The following VAT1L variants were observed in gnomAD, a reference collection of about 807,000 sequenced individuals.
VAT1L encodes the protein vesicle amine transport 1 like.
A neutral mutation model predicts 44.1 loss-of-function variants in VAT1L; 34 were observed. The observed-to-expected ratio is 0.77, with a 90% CI of 0.59 to 1.03. VAT1L has a LOEUF of 1.03. Among genes scored for constraint, VAT1L ranks in the 50% least tolerant of loss-of-function variants. The pLI is 0.00. For synonymous variants in VAT1L, 253 were observed against 202.2 expected, an observed-to-expected ratio of 1.25 and a Z score of -2.13; for missense variants, 615 against 538.8, an observed-to-expected ratio of 1.14 and a Z score of -1.40.
intron 5 of VAT1L, among the ~76,000 whole-genome samples, chr16:77,877,512 C>CAAAAAAAA (rs55704400): frequency 9.2e-5 from 8 of 86,816 alleles, no homozygotes; most frequent in South Asian, 7.2e-4. Context: ...GACTCTGTCT[C>CAAAAAAAA]AAAAAAAAAA....
rs1597125973 is a variant in VAT1L, at chr16:77,967,618, G to C, written c.1078-4232G>C. 2.0e-5 allele frequency among the ~76,000 whole-genome samples: 3 copies of C among 152,172 alleles called. No homozygotes were observed. In the South Asian group the frequency reaches 6.2e-4, roughly 32 times the overall value. ...GACTTCAAGGAGTCAGTTCATTTCA[G>C]AAAGAAATATCCAAAAAGCATGCAG... On this transcript the variant is annotated intron_variant, in intron 7 of 8. Transcript: ENST00000302536.
At chr16:77,930,301 C>T (rs567651475) in intron 7 of VAT1L, among the ~76,000 whole-genome samples, 1 of 152,206 alleles carries the variant, frequency 6.6e-6, no homozygotes, top group South Asian at 2.1e-4. Flanking sequence ...AGGTCTCTCC[C>T]ATGAGTATCA....
intron 4 of VAT1L, among the ~76,000 whole-genome samples, chr16:77,866,629 A>G (rs1379972816): frequency 6.6e-6 from 1 of 152,172 alleles, no homozygotes; most frequent in African/African-American, 2.4e-5. Context: ...AAAAAAAGAT[A>G]AAATTTCTTG....
At chr16:77,789,398 C>G (rs73574811) in intron 1 of VAT1L, among the ~76,000 whole-genome samples, 2,587 of 152,290 alleles carry the variant, frequency 0.017, 79 homozygotes, top group African/African-American at 0.059. Flanking sequence ...GGTAAGAAAG[C>G]CGCCGCTCAG....
At position 77,879,709 on chromosome 16, in the gene VAT1L, T is replaced by C. The variant is rs189554670; in HGVS notation, c.882+485T>C. On this transcript the variant is annotated intron_variant, in intron 6 of 8. Coordinates refer to ENST00000302536, the MANE Select transcript of VAT1L (RefSeq NM_020927.3). This position sits in a 1 kb window ranked among gnomAD's most constrained non-coding sequence, Gnocchi z 4.1. Reference sequence around the variant, plus strand: ...GGTCAGGACCAGAATTTAGACTACTTTTGTCTAAATGAAACAGAGAGGTGG... The same window carrying C: ...GGTCAGGACCAGAATTTAGACTACTCTTGTCTAAATGAAACAGAGAGGTGG... 6.6e-6 allele frequency among the ~76,000 whole-genome samples: 1 copy of C among 152,290 alleles called. No homozygotes were observed. Among genetic ancestry groups the C allele is most frequent in the East Asian group, 1.9e-4 (1 of 5,172 alleles).
chr16:77,811,581 A>G (rs1262190159), intron 1 of VAT1L, among the ~76,000 whole-genome samples: 1 of 152,148 alleles, frequency 6.6e-6, no homozygotes, highest in Non-Finnish European at 1.5e-5. Flanking sequence ...AACCTTGGAC[A>G]AGGTACTTTA....
At chr16:77,808,030 C>T (rs1007362789) in intron 1 of VAT1L, among the ~76,000 whole-genome samples, 3 of 151,854 alleles carry the variant, frequency 2.0e-5, no homozygotes, top group Admixed American at 6.6e-5. Context: ...GAACAGGGCT[C>T]CCTGGGCCAC....
chr16:77,864,187 C>G (rs1251005207), intron 4 of VAT1L, among the ~76,000 whole-genome samples: 1 of 152,326 alleles, frequency 6.6e-6, no homozygotes, highest in East Asian at 1.9e-4. Context: ...CCATGCCACT[C>G]AGAGCTTCCG....
At position 77,805,865 on chromosome 16, in the gene VAT1L, C is replaced by CTTTTTTTTTTTTTTTTTTT. The variant is rs10689119; in HGVS notation, c.234-11041_234-11040insTTTTTTTTTTTTTTTTTTT. ...GTGTTATTTTTTCCTTAGTCTCTGCCTTTTTTTTTTTTTTTGAGATGGAGT... is the reference window on the plus strand; with the variant it reads ...GTGTTATTTTTTCCTTAGTCTCTGCCTTTTTTTTTTTTTTTTTTTTTTTTTTTTTTTTTTGAGATGGAGT... On this transcript the variant is annotated intron_variant, in intron 1 of 8. Transcript: ENST00000302536. Among the ~76,000 whole-genome samples the CTTTTTTTTTTTTTTTTTTT allele has an allele frequency of 1.2e-3, 94 of 78,834 alleles. 10 individuals are homozygous for CTTTTTTTTTTTTTTTTTTT. The highest frequency in any genetic ancestry group is 2.5e-3 in the African/African-American group (67 of 27,042). The allele number at this position is 78,834 out of a possible 152,430, so 51.7% of individuals were successfully genotyped here. A position where few individuals can be genotyped will look rare whatever the true frequency, so the allele number is the denominator to read the frequency against.
chr16:77,964,575 T>C (rs2018201224), intron 7 of VAT1L, among the ~76,000 whole-genome samples: 1 of 152,082 alleles, frequency 6.6e-6, no homozygotes, highest in Non-Finnish European at 1.5e-5. Context: ...CTCAGATTTT[T>C]AGCTTAATCA....
chr16:77,796,048 A>G (rs1195917838), intron 1 of VAT1L, among the ~76,000 whole-genome samples: 1 of 152,004 alleles, frequency 6.6e-6, no homozygotes, highest in East Asian at 1.9e-4. Context: ...CTGGTCTCGA[A>G]TTCCTGACCT....
chr16:77,788,736 G>C lies in VAT1L; in HGVS notation c.54G>C (p.Lys18Asn). ...KAEETEQMIEKEAGKEPAEGG... is the reference protein window; with the variant it reads ...KAEETEQMIENEAGKEPAEGG... ...AGGAGACGGAGCAAATGATCGAGAAGGAGGCAGGCAAGGAGCCGGCGGAGG... is the reference window on the plus strand; with the variant it reads ...AGGAGACGGAGCAAATGATCGAGAACGAGGCAGGCAAGGAGCCGGCGGAGG... The change falls in exon 1 of 9, where the codon AAG becomes AAC. Residue 18 changes from lysine to asparagine, a missense_variant. Transcript: ENST00000302536. 1 of 1,560,008 alleles carries C rather than the reference G, an allele frequency of 6.4e-7. No individual in the cohort carries two copies. Among genetic ancestry groups the C allele is most frequent in the Non-Finnish European group, 8.7e-7 (1 of 1,151,494 alleles).
At chr16:77,873,736 G>C (rs1194739243) in intron 4 of VAT1L, among the ~76,000 whole-genome samples, 1 of 152,202 alleles carries the variant, frequency 6.6e-6, no homozygotes, top group African/African-American at 2.4e-5. Flanking sequence ...GGAGTGATTA[G>C]TTACAGGTCC....
intron 3 of VAT1L, among the ~76,000 whole-genome samples, chr16:77,830,665 C>G (rs1012385757): frequency 4.6e-5 from 7 of 152,186 alleles, no homozygotes; most frequent in African/African-American, 1.7e-4. Flanking sequence ...CCATGTGGAA[C>G]TGTGAGTCCA....
chr16:77,814,549 T>C (rs1280235427), intron 1 of VAT1L, among the ~76,000 whole-genome samples: 2 of 152,196 alleles, frequency 1.3e-5, no homozygotes, highest in Admixed American at 6.5e-5. Flanking sequence ...GTGTCGAAGA[T>C]GAGGCCTTCT....
intron 7 of VAT1L, among the ~76,000 whole-genome samples, chr16:77,905,786 CAT>C (rs1177394033): frequency 6.6e-6 from 1 of 152,158 alleles, no homozygotes; most frequent in East Asian, 1.9e-4. Context: ...ATAAGCTTAT[CAT>C]AGGCCTGCAG....
chr16:77,833,310 A>G (rs768600648), intron 3 of VAT1L, among the ~76,000 whole-genome samples: 1 of 152,208 alleles, frequency 6.6e-6, no homozygotes, highest in Non-Finnish European at 1.5e-5. Context: ...ACAAGGTGAT[A>G]TGAGTATTGA....
chr16:77,827,521 A>T (rs572349381), intron 3 of VAT1L, among the ~76,000 whole-genome samples: 3 of 152,238 alleles, frequency 2.0e-5, no homozygotes, highest in Non-Finnish European at 4.4e-5. Flanking sequence ...CGACAATACT[A>T]ACTAAAGTGT....
At chr16:77,975,193 A>ATTTTTTT (rs2018323281) in intron 8 of VAT1L, among the ~76,000 whole-genome samples, 1 of 51,530 alleles carries the variant, frequency 1.9e-5, no homozygotes, top group Non-Finnish European at 3.8e-5. Context: ...TGGAATGACC[A>ATTTTTTT]CTTTTTTTTT....
Sources: allele counts gnomAD v4.1 joint callset (sites outside exome capture counted in the v4.1 genomes callset), GRCh38; gene constraint gnomAD v4.1.1; non-coding constraint Gnocchi (gnomAD v3.1); transcripts MANE v1.5; gene names NCBI Gene and HGNC (gene_info 2026-07-23, HGNC 2026-07-21).